The following TUBGCP3 variants were observed in gnomAD, a reference collection of about 807,000 sequenced individuals.
TUBGCP3 encodes tubulin gamma complex component 3, also known as gamma-tubulin complex component 3.
TUBGCP3 carries 50 observed loss-of-function variants against 123.1 expected under a neutral mutation model. The observed-to-expected ratio is 0.41, with a 90% CI of 0.32 to 0.51. The LOEUF (loss-of-function observed/expected upper bound fraction) is 0.51, where lower values mean the gene tolerates loss of function less well. Ranked by LOEUF, TUBGCP3 falls within the 20% of genes least tolerant of loss-of-function variation. The pLI, the probability that TUBGCP3 is intolerant of heterozygous loss-of-function variation, is 0.36. For missense variants in TUBGCP3, 882 were observed against 1,127.0 expected (o/e 0.78, Z 3.11); for synonymous variants, 405 against 413.9 (o/e 0.98, Z 0.26).
At chr13:112,587,557 C>G (rs1882700418) in intron 1 of TUBGCP3, among the ~76,000 whole-genome samples, 1 of 152,368 alleles carries the variant, frequency 6.6e-6, no homozygotes, top group South Asian at 2.1e-4. Context: ...TGGCATTCCT[C>G]CCGTCCTCAC....
intron 3 of TUBGCP3, among the ~76,000 whole-genome samples, chr13:112,562,574 C>G (rs951123935): frequency 6.6e-6 from 1 of 152,176 alleles, no homozygotes; most frequent in South Asian, 2.1e-4. Flanking sequence ...GGGAGACACA[C>G]AGCGAGAGGC....
Position 112,491,629 on chromosome 13 carries a change from C to T in TUBGCP3, c.2449-1932G>A, listed in dbSNP as rs1277030045. Reference sequence around the variant, plus strand: ...TCACTCGTTCTACACCAGAACTTCCCAATTTGTCTTCTTTTCTCCCCACCA... The same window carrying T: ...TCACTCGTTCTACACCAGAACTTCCTAATTTGTCTTCTTTTCTCCCCACCA... On this transcript the variant is annotated intron_variant, in intron 20 of 21. Coordinates refer to ENST00000261965, the MANE Select transcript of TUBGCP3 (RefSeq NM_006322.6). Among the ~76,000 whole-genome samples, 4 of 152,218 alleles carry T rather than the reference C, an allele frequency of 2.6e-5. 1 individual carries two copies. The highest frequency in any genetic ancestry group is 9.6e-5 in the African/African-American group (4 of 41,468).
At chr13:112,520,805 G>A (rs1876554008) in intron 14 of TUBGCP3, among the ~76,000 whole-genome samples, 1 of 152,142 alleles carries the variant, frequency 6.6e-6, no homozygotes. Flanking sequence ...TAAATATGAA[G>A]CTAACACGTC....
chr13:112,517,791 T>C (rs1313418583), intron 16 of TUBGCP3, among the ~76,000 whole-genome samples: 2 of 151,928 alleles, frequency 1.3e-5, no homozygotes, highest in Non-Finnish European at 2.9e-5. Context: ...CTTGGGAGGG[T>C]GAGGCAGGAG....
chr13:112,579,464 C>T lies in TUBGCP3; in HGVS notation c.76+8441G>A, dbSNP rs578153131. Among the ~76,000 whole-genome samples, 351 of 149,474 alleles carry T rather than the reference C, an allele frequency of 2.3e-3. 4 individuals carry two copies. The highest frequency in any genetic ancestry group is 6.9e-3 in the African/African-American group (280 of 40,514). On this transcript the variant is annotated intron_variant, in intron 1 of 21. Transcript: ENST00000261965. Reference sequence around the variant, plus strand: ...TGCAGCTCTCCCACACTGCTGAGTGCCCGCGGGGCCACGGCATCCCCGGAG... The same window carrying T: ...TGCAGCTCTCCCACACTGCTGAGTGTCCGCGGGGCCACGGCATCCCCGGAG...
chr13:112,536,934 G>A (rs965486331), intron 11 of TUBGCP3, among the ~76,000 whole-genome samples: 4 of 151,856 alleles, frequency 2.6e-5, no homozygotes, highest in Non-Finnish European at 5.9e-5. Flanking sequence ...ACTACACCTG[G>A]CTCATTTTTT....
chr13:112,510,149 C>A (rs1881577929), intron 17 of TUBGCP3, among the ~76,000 whole-genome samples: 1 of 152,080 alleles, frequency 6.6e-6, no homozygotes. Flanking sequence ...GCTTGGGCAG[C>A]AGCTAAGTGC....
chr13:112,592,605 C>T (rs904763864), upstream of TUBGCP3, among the ~76,000 whole-genome samples: 2 of 152,214 alleles, frequency 1.3e-5, no homozygotes, highest in African/African-American at 4.8e-5. This position sits in a 1 kb window ranked among gnomAD's most constrained non-coding sequence, Gnocchi z 4.1. Flanking sequence ...GAGAGGGAGG[C>T]AGCTGAGAGT....
intron 11 of TUBGCP3, among the ~76,000 whole-genome samples, chr13:112,543,597 A>G (rs540083859): frequency 6.6e-6 from 1 of 152,352 alleles, no homozygotes; most frequent in South Asian, 2.1e-4. Flanking sequence ...ATATTGACAG[A>G]TGAAAAGCAA....
intron 1 of TUBGCP3, among the ~76,000 whole-genome samples, chr13:112,578,550 C>T (rs1475313840): frequency 1.0e-5 from 1 of 96,586 alleles, no homozygotes; most frequent in Non-Finnish European, 1.9e-5. Context: ...AAGAGTGAGA[C>T]TCCGTCTCAA....
chr13:112,514,003 G>A (rs776989692), intron 17 of TUBGCP3, among the ~76,000 whole-genome samples: 9 of 152,242 alleles, frequency 5.9e-5, no homozygotes, highest in African/African-American at 9.6e-5. Context: ...AATTCATGGC[G>A]TATCCAACCC....
chr13:112,540,637 G>T (rs113947073), intron 11 of TUBGCP3, among the ~76,000 whole-genome samples: 440 of 126,996 alleles, frequency 3.5e-3, no homozygotes, highest in African/African-American at 6.9e-3. Context: ...CTGGGAATGA[G>T]GACGTCAATG....
chr13:112,504,942 G>A (rs1881193026), intron 17 of TUBGCP3, among the ~76,000 whole-genome samples: 1 of 152,012 alleles, frequency 6.6e-6, no homozygotes, highest in South Asian at 2.1e-4. Context: ...CCTAATAAGG[G>A]CCTAACAACA....
chr13:112,541,518 G>A (rs538756714), intron 11 of TUBGCP3, among the ~76,000 whole-genome samples: 2 of 148,706 alleles, frequency 1.3e-5, no homozygotes, highest in South Asian at 2.1e-4. Context: ...TTCCAGCCTC[G>A]GCGGCAGAGC....
chr13:112,540,254 T>G (rs1878406307), intron 11 of TUBGCP3, among the ~76,000 whole-genome samples: 1 of 141,010 alleles, frequency 7.1e-6, no homozygotes, highest in Admixed American at 7.0e-5. Context: ...AAAGGATACC[T>G]GGGAGTGATG....
chr13:112,542,156 G>A (rs1036254178), intron 11 of TUBGCP3, among the ~76,000 whole-genome samples: 2 of 152,116 alleles, frequency 1.3e-5, no homozygotes, highest in Non-Finnish European at 1.5e-5. Flanking sequence ...AAGAACATAC[G>A]TTCTGAAAAT....
In TUBGCP3 at chr13:112,545,546, G is replaced by T; in HGVS notation, c.1335+153C>A. ...CTGTTCAGTGAGATAACCAGCTGTC[G>T]AGGCACTGTGTAAAATGTATATGGT... On this transcript the variant is annotated intron_variant, in intron 11 of 21. Transcript: ENST00000261965. This position sits in a 1 kb window ranked among gnomAD's most constrained non-coding sequence, Gnocchi z 4.1. The T allele has an allele frequency of 3.8e-6, 3 of 786,752 alleles. No individual in the cohort carries two copies. The highest frequency in any genetic ancestry group is 1.9e-5 in the South Asian group (1 of 52,990). The allele number at this position is 786,752 out of a possible 1,614,324, so 48.7% of individuals were successfully genotyped here. A position where few individuals can be genotyped will look rare whatever the true frequency, so the allele number is the denominator to read the frequency against.
chr13:112,554,839 A>G (rs1879892642), intron 7 of TUBGCP3, 48 bp downstream of exon 7: 1 of 1,371,642 alleles, frequency 7.3e-7, no homozygotes, highest in East Asian at 2.3e-5. Flanking sequence ...ACTTCATGAC[A>G]TGTTTTTTCT....
intron 11 of TUBGCP3, among the ~76,000 whole-genome samples, chr13:112,535,192 T>C (rs758443958): frequency 1.6e-4 from 24 of 152,242 alleles, no homozygotes; most frequent in Non-Finnish European, 2.1e-4. Context: ...AGTTCATCAG[T>C]TGATGGACAC....
Sources: gnomAD v4.1 joint callset for allele counts (sites outside exome capture counted in the v4.1 genomes callset) on GRCh38, gnomAD v4.1.1 for gene constraint, Gnocchi (gnomAD v3.1) non-coding constraint, MANE v1.5 for transcripts, NCBI Gene and HGNC (gene_info 2026-07-23, HGNC 2026-07-21) for gene names.